The following TTC28 variants were observed in gnomAD, a reference collection of about 807,000 sequenced individuals.
The protein encoded by TTC28 is tetratricopeptide repeat protein 28.
TTC28 carries 61 observed loss-of-function variants against 198.0 expected under a neutral mutation model. The ratio of observed to expected loss-of-function variants is 0.31; its 90% CI spans 0.25 to 0.38. The LOEUF (loss-of-function observed/expected upper bound fraction) is 0.38, where lower values mean the gene tolerates loss of function less well. Ranked by LOEUF, TTC28 falls within the 10% of genes least tolerant of loss-of-function variation. The probability of loss-of-function intolerance (pLI) is 1.00; values close to 1 mark genes in which losing one functional copy is unlikely to be tolerated. For synonymous variants in TTC28, 1,171 were observed against 1,297.8 expected (o/e 0.90, Z 2.10); for missense variants, 2,678 against 3,164.0 (o/e 0.85, Z 3.69).
At chr22:28,465,947 T>G (rs1230630053) in intron 2 of TTC28, among the ~76,000 whole-genome samples, 1 of 152,208 alleles carries the variant, frequency 6.6e-6, no homozygotes, top group African/African-American at 2.4e-5. Context: ...TATAAAGATA[T>G]GTCCAAGAAA....
Position 28,186,385 on chromosome 22 carries a change from G to A in TTC28, c.934-22786C>T, listed in dbSNP as rs368555964. On this transcript the variant is annotated intron_variant, in intron 5 of 22. Coordinates refer to ENST00000397906, the MANE Select transcript of TTC28 (RefSeq NM_001145418.2). ...TTCCTAGCCTAGGTCTGGTTAATGTGTCTGGCTTCCCTGAAAAATCCCTCA... is the reference window on the plus strand; with the variant it reads ...TTCCTAGCCTAGGTCTGGTTAATGTATCTGGCTTCCCTGAAAAATCCCTCA... Among the ~76,000 whole-genome samples, 18 of 152,286 alleles carry A rather than the reference G, an allele frequency of 1.2e-4. No homozygotes were observed. In the South Asian group the frequency reaches 3.7e-3, roughly 32 times the overall value.
At position 27,998,828 on chromosome 22, in the gene TTC28, C is replaced by T. The variant is rs547464592; in HGVS notation, c.4831G>A (p.Val1611Ile). 43 of 1,550,422 alleles carry T rather than the reference C, an allele frequency of 2.8e-5. No homozygotes were observed. In the South Asian group the frequency reaches 3.7e-4, roughly 13 times the overall value. ...TTCACAGGCAGCTGCAGGTCCAGGA[C>T]GTCGGCGGCAGTAAGCAGCAGCTCC... ...LQELLLTAAD[V>I]LDLQLPVKLV... Residue 1611 changes from valine (V) to isoleucine (I), a missense_variant, in exon 16 of 23, where the codon GTC (valine) becomes ATC (isoleucine). Coordinates refer to ENST00000397906, the MANE Select transcript of TTC28 (RefSeq NM_001145418.2).
intron 13 of TTC28, among the ~76,000 whole-genome samples, chr22:28,017,240 G>A (rs1329916464): frequency 1.3e-5 from 2 of 152,246 alleles, no homozygotes; most frequent in Admixed American, 1.3e-4. Context: ...GCTAACGGCG[G>A]TGGCATCTTT....
chr22:28,266,303 GT>G (rs1931680859), intron 5 of TTC28, among the ~76,000 whole-genome samples: 1 of 152,100 alleles, frequency 6.6e-6, no homozygotes, highest in African/African-American at 2.4e-5. Flanking sequence ...TGGACAGCAA[GT>G]TTATTACTTT....
intron 2 of TTC28, among the ~76,000 whole-genome samples, chr22:28,458,751 G>A (rs1458919866): frequency 2.0e-5 from 3 of 151,632 alleles, no homozygotes; most frequent in Admixed American, 1.3e-4. Flanking sequence ...CGTGGTGGCG[G>A]GCGCCTGTAG....
rs1391424764 is a variant in TTC28 at position 28,357,312 on chromosome 22, C to CTT, written c.382-50671_382-50670dup. On this transcript the variant is annotated intron_variant, in intron 2 of 22. Coordinates refer to ENST00000397906, the MANE Select transcript of TTC28 (RefSeq NM_001145418.2). ...GGTAGAAATCACTTTTATCAAATTT[C>CTT]TTATTTTTTTTTTTTTTTTTTTTTG... is the stretch of plus-strand genomic sequence containing the variant. 8.4e-4 allele frequency among the ~76,000 whole-genome samples: 92 copies of CTT among 110,022 alleles called. 1 individual carries two copies. The highest frequency in any genetic ancestry group is 2.6e-3 in the African/African-American group (72 of 27,582). 72.2% of individuals were successfully genotyped at this position (110,022 alleles called of 152,430 possible). A position where few individuals can be genotyped will look rare whatever the true frequency, so the allele number is the denominator to read the frequency against.
intron 6 of TTC28, among the ~76,000 whole-genome samples, chr22:28,159,508 T>C (rs560432157): frequency 6.6e-6 from 1 of 152,006 alleles, no homozygotes; most frequent in Admixed American, 6.5e-5. Context: ...CTACAAAAAT[T>C]AGCTGGGCGT....
At position 28,054,889 on chromosome 22, in the gene TTC28, C is replaced by G. The variant is rs1323973684; in HGVS notation, c.3933-24523G>C. ...GGTTTGGTTATATAAAATCAAAGAT[C>G]ACTTCCAGCTCTAAAATGTTATCCA... is the stretch of plus-strand genomic sequence containing the variant. On this transcript the variant is annotated intron_variant, in intron 12 of 22. Transcript: ENST00000397906. 2.0e-5 allele frequency among the ~76,000 whole-genome samples: 3 copies of G among 152,158 alleles called. No individual in the cohort carries two copies. In the East Asian group the frequency reaches 5.8e-4, roughly 29 times the overall value.
Position 28,297,773 on chromosome 22 carries a change from C to A in TTC28, c.609G>T (p.Gly203=). 1.9e-6 allele frequency: 3 copies of A among 1,551,658 alleles called. No individual in the cohort carries two copies. The highest frequency in any genetic ancestry group is 2.6e-6 in the Non-Finnish European group (3 of 1,147,002). ...KSPFVVVSVV[G]QELLTAGHHG... ...GATGGCCAGCTGTCAGGAGTTCCTG[C>A]CCAACCACAGACACGACCACAAAGG... The change falls in exon 4 of 23, where the codon GGG becomes GGT. Residue 203 remains glycine (G), a synonymous_variant. Transcript: ENST00000397906.
chr22:28,541,199 T>C (rs2049403829), intron 2 of TTC28, among the ~76,000 whole-genome samples: 2 of 152,200 alleles, frequency 1.3e-5, no homozygotes, highest in Admixed American at 6.5e-5. Flanking sequence ...ATAAAACAAC[T>C]GTTTTTAGAA....
At chr22:28,466,856 C>T (rs939747103) in intron 2 of TTC28, among the ~76,000 whole-genome samples, 2 of 148,594 alleles carry the variant, frequency 1.3e-5, no homozygotes, top group Admixed American at 6.7e-5. Flanking sequence ...CACACACACA[C>T]CCCTATGCCA....
chr22:28,260,681 A>G (rs1931254656), intron 5 of TTC28, among the ~76,000 whole-genome samples: 2 of 152,172 alleles, frequency 1.3e-5, no homozygotes. Flanking sequence ...AAACAGCATC[A>G]CCAAAATTAA....
At chr22:28,045,555 G>A (rs1445691063) in intron 12 of TTC28, among the ~76,000 whole-genome samples, 2 of 152,120 alleles carry the variant, frequency 1.3e-5, no homozygotes, top group East Asian at 1.9e-4. Flanking sequence ...ATAGAACCTG[G>A]CACCTGCTAG....
At chr22:28,055,982 C>T (rs2146719767) in intron 12 of TTC28, among the ~76,000 whole-genome samples, 1 of 152,222 alleles carries the variant, frequency 6.6e-6, no homozygotes, top group South Asian at 2.1e-4. Context: ...ATAGTTCATT[C>T]TTTCTTATTT....
At chr22:28,009,777 C>G (rs1021166824) in intron 14 of TTC28, among the ~76,000 whole-genome samples, 11 of 152,244 alleles carry the variant, frequency 7.2e-5, no homozygotes, top group African/African-American at 2.4e-4. Flanking sequence ...AGGTTTAGGA[C>G]AGTGTGTGCC....
At chr22:28,396,768 C>A (rs1241696177) in intron 2 of TTC28, among the ~76,000 whole-genome samples, 2 of 152,086 alleles carry the variant, frequency 1.3e-5, no homozygotes, top group Non-Finnish European at 2.9e-5. Context: ...ATAATAAAAC[C>A]ACTCAGAATT....
At chr22:28,019,524 ACCCCAGGCTCTGAG>A (rs1184538967) in intron 13 of TTC28, among the ~76,000 whole-genome samples, 2 of 152,244 alleles carry the variant, frequency 1.3e-5, no homozygotes, top group East Asian at 1.9e-4. Context: ...GGCAGCAGGC[ACCCCAGGCTCTGAG>A]CCCCAGGCGG....
intron 2 of TTC28, among the ~76,000 whole-genome samples, chr22:28,512,979 ATTT>A (rs695729): frequency 7.1e-5 from 9 of 125,886 alleles, no homozygotes; most frequent in African/African-American, 2.4e-4. Context: ...TTTAACCTGG[ATTT>A]TTTTTTTTTT....
chr22:28,475,149 CAAAAAAAAAAA>C (rs386395148), intron 2 of TTC28, among the ~76,000 whole-genome samples: 12 of 65,000 alleles, frequency 1.8e-4, no homozygotes, highest in Non-Finnish European at 3.0e-4. Context: ...GACTCCATCT[CAAAAAAAAAAA>C]AAAAAAAAAA....
Sources: allele counts gnomAD v4.1 joint callset (sites outside exome capture counted in the v4.1 genomes callset), GRCh38; gene constraint gnomAD v4.1.1; transcripts MANE v1.5; gene names NCBI Gene and HGNC (gene_info 2026-07-23, HGNC 2026-07-21).